PCDH15: variants seen among roughly 807,000 people sequenced by gnomAD.
PCDH15 encodes protocadherin related 15, also known as protocadherin-15.
Under a neutral mutation model 178.5 loss-of-function variants are expected in PCDH15, and 129 were observed. That is an observed-to-expected ratio of 0.72 (90% CI 0.63 to 0.84). The LOEUF (loss-of-function observed/expected upper bound fraction) is 0.84. Ranked by LOEUF, PCDH15 falls within the 40% of genes least tolerant of loss-of-function variation. The pLI is 0.00. For synonymous variants in PCDH15, 800 were observed against 732.0 expected (o/e 1.09, Z -1.50); for missense variants, 2,230 against 2,099.9 (o/e 1.06, Z -1.21).
At chr10:54,244,720 C>T (rs1053610440) in intron 8 of PCDH15, among the ~76,000 whole-genome samples, 3 of 152,188 alleles carry the variant, frequency 2.0e-5, no homozygotes, top group African/African-American at 7.2e-5. Flanking sequence ...CACACTGCCA[C>T]AGGGCTAACT....
chr10:55,170,078 C>T (rs1839291925), intron 1 of PCDH15, among the ~76,000 whole-genome samples: 1 of 151,944 alleles, frequency 6.6e-6, no homozygotes, highest in Admixed American at 6.6e-5. Flanking sequence ...CTTTACAATG[C>T]TACAGATTTT....
chr10:55,361,337 A>G (rs1467588095), intron 2 of PCDH15, among the ~76,000 whole-genome samples: 1 of 152,064 alleles, frequency 6.6e-6, no homozygotes, highest in African/African-American at 2.4e-5. Context: ...TTCTTTTTAT[A>G]AAATTAAACT....
At chr10:54,617,380 T>G (rs566174903) in intron 2 of PCDH15, among the ~76,000 whole-genome samples, 2 of 152,130 alleles carry the variant, frequency 1.3e-5, no homozygotes, top group Non-Finnish European at 2.9e-5. Context: ...TTTTGAATAA[T>G]AGTAAAATTG....
intron 3 of PCDH15, among the ~76,000 whole-genome samples, chr10:54,487,030 A>G (rs1372254580): frequency 2.6e-5 from 4 of 152,078 alleles, no homozygotes; most frequent in Non-Finnish European, 5.9e-5. Context: ...GCAAACTGCC[A>G]TTCATACTTG....
intron 2 of PCDH15, among the ~76,000 whole-genome samples, chr10:55,039,953 GTATCCCAT>G (rs1461218004): frequency 2.6e-5 from 4 of 152,110 alleles, no homozygotes; most frequent in Admixed American, 1.3e-4. Context: ...CAAACCATAG[GTATCCCAT>G]ATGGTGGAAA....
chr10:54,190,737 A>G (rs2048914272), intron 11 of PCDH15, among the ~76,000 whole-genome samples: 1 of 152,196 alleles, frequency 6.6e-6, no homozygotes, highest in Non-Finnish European at 1.5e-5. Flanking sequence ...AGTAAAATTC[A>G]TGCCCATAAA....
chr10:54,361,366 T>G (rs1946020438), intron 5 of PCDH15, among the ~76,000 whole-genome samples: 1 of 152,044 alleles, frequency 6.6e-6, no homozygotes, highest in African/African-American at 2.4e-5. Context: ...AGAATAATAT[T>G]TTAGGAATCA....
At chr10:54,746,432 A>C (rs1467101487) in intron 1 of PCDH15, among the ~76,000 whole-genome samples, 1 of 152,150 alleles carries the variant, frequency 6.6e-6, no homozygotes, top group African/African-American at 2.4e-5. Flanking sequence ...GTCTGCAATA[A>C]TTTGTTCACA....
At chr10:53,886,519 C>G (rs980384422) in intron 26 of PCDH15, among the ~76,000 whole-genome samples, 4 of 149,546 alleles carry the variant, frequency 2.7e-5, no homozygotes, top group African/African-American at 9.9e-5. Flanking sequence ...ATAAAATGTT[C>G]TTGTAGTAAT....
chr10:54,923,378 T>G (rs1837543739), intron 2 of PCDH15, among the ~76,000 whole-genome samples: 1 of 139,066 alleles, frequency 7.2e-6, no homozygotes, highest in Non-Finnish European at 1.7e-5. Context: ...GCTATTAACT[T>G]TTGGCTCCAC....
chr10:55,017,081 A>G (rs1327653935), intron 2 of PCDH15, among the ~76,000 whole-genome samples: 1 of 152,152 alleles, frequency 6.6e-6, no homozygotes, highest in African/African-American at 2.4e-5. Flanking sequence ...AAAAAGGGAA[A>G]TAGAGACCCC....
chr10:53,815,661 G>A (rs559335322), intron 35 of PCDH15, among the ~76,000 whole-genome samples: 103 of 151,928 alleles, frequency 6.8e-4, no homozygotes, highest in Middle Eastern at 3.4e-3. Flanking sequence ...TAAATTTGCC[G>A]TAAAATTAAA....
intron 3 of PCDH15, among the ~76,000 whole-genome samples, chr10:54,847,251 A>G (rs1017910631): frequency 6.6e-6 from 1 of 152,170 alleles, no homozygotes; most frequent in Non-Finnish European, 1.5e-5. Flanking sequence ...CTAATAAAAC[A>G]AAACCCAAAC....
intron 2 of PCDH15, among the ~76,000 whole-genome samples, chr10:54,615,820 T>A (rs2093124608): frequency 6.6e-6 from 1 of 152,174 alleles, no homozygotes; most frequent in African/African-American, 2.4e-5. Flanking sequence ...AATTTTATAA[T>A]CTATTATTAG....
intron 2 of PCDH15, among the ~76,000 whole-genome samples, chr10:54,618,149 A>AC (rs1447087493): frequency 6.6e-6 from 1 of 152,036 alleles, no homozygotes. Context: ...GTATTTTGAT[A>AC]CCTCCTGTTT....
chr10:54,866,410 C>A (rs529774560), intron 3 of PCDH15, among the ~76,000 whole-genome samples: 3 of 152,180 alleles, frequency 2.0e-5, no homozygotes, highest in African/African-American at 7.2e-5. Flanking sequence ...GTGGGAAAGA[C>A]AAGATGTCTC....
intron 1 of PCDH15, among the ~76,000 whole-genome samples, chr10:55,292,192 C>G (rs1442055390): frequency 1.3e-5 from 2 of 151,848 alleles, no homozygotes; most frequent in Non-Finnish European, 2.9e-5. Context: ...AAGGCAAGTC[C>G]CTTCTGCCTA....
intron 3 of PCDH15, among the ~76,000 whole-genome samples, chr10:54,461,485 A>G (rs566302073): frequency 1.2e-4 from 19 of 152,150 alleles, no homozygotes; most frequent in Non-Finnish European, 2.9e-5. Flanking sequence ...ACCATTTGAG[A>G]TTAGACCATC....
intron 3 of PCDH15, among the ~76,000 whole-genome samples, chr10:54,435,853 CCAGCTACTCGGGAGGCTGAGGCA>C (rs1229555640): frequency 4.6e-5 from 7 of 151,786 alleles, no homozygotes; most frequent in Admixed American, 6.6e-5. Flanking sequence ...GCCTGTAGTC[CCAGCTACTCGGGAGGCTGAGGCA>C]GGAGAATGGC....
Sources: allele counts gnomAD v4.1 joint callset (sites outside exome capture counted in the v4.1 genomes callset), GRCh38; gene constraint gnomAD v4.1.1; transcripts MANE v1.5; gene names NCBI Gene and HGNC (gene_info 2026-07-23, HGNC 2026-07-21).